The following ADGRL2 variants were observed in gnomAD, a reference collection of about 807,000 sequenced individuals.
ADGRL2 encodes calcium-independent alpha-latrotoxin receptor 2.
Under a neutral mutation model 157.4 loss-of-function variants are expected in ADGRL2, and 44 were observed. That is an observed-to-expected ratio of 0.28 (90% confidence interval 0.22 to 0.36). The LOEUF is 0.36. Ranked by LOEUF, ADGRL2 falls within the 10% of genes least tolerant of loss-of-function variation. The pLI, the probability that ADGRL2 is intolerant of heterozygous loss-of-function variation, is 1.00. For missense variants in ADGRL2, 1,510 were observed against 1,768.9 expected (o/e 0.85, Z 2.63); for synonymous variants, 585 against 624.7 (o/e 0.94, Z 0.95).
Position 81,810,126 on chromosome 1 carries a change from G to A in ADGRL2, c.-101+9058G>A, listed in dbSNP as rs147293901. ...AGTAAATAGTGTCTATTTATAGAGC[G>A]AACAAAAGAGAATTCTGTTTTCTTC... On this transcript the variant is annotated intron_variant, in intron 1 of 23. Transcript: ENST00000686636. Among the ~76,000 whole-genome samples the A allele has an allele frequency of 5.7e-4, 87 of 151,952 alleles. 1 individual carries two copies. Among genetic ancestry groups the A allele is most frequent in the Middle Eastern group, 6.8e-3 (2 of 294 alleles).
rs776760358 is a variant in ADGRL2, at chr1:81,968,008, T to C, written c.2350-18T>C. 6.2e-7 allele frequency: 1 copy of C among 1,605,914 alleles called. No homozygotes were observed. The highest frequency in any genetic ancestry group is 8.5e-7 in the Non-Finnish European group (1 of 1,172,866). On this transcript the variant is annotated intron_variant, in intron 13 of 23. Transcript: ENST00000686636. ...AGAATATAAAATCCTAATTTTATCTTGTCATTTTATTTCCCAGCCTGACAA... is the reference window on the plus strand; with the variant it reads ...AGAATATAAAATCCTAATTTTATCTCGTCATTTTATTTCCCAGCCTGACAA...
chr1:81,349,596 C>A (rs947022100), intron 1 of ADGRL2, among the ~76,000 whole-genome samples: 1 of 126,410 alleles, frequency 7.9e-6, no homozygotes, highest in African/African-American at 3.1e-5. Flanking sequence ...TTTTAAAAGT[C>A]AAAGATAGAG....
intron 11 of ADGRL2, among the ~76,000 whole-genome samples, chr1:81,961,701 G>A (rs1376416450): frequency 6.6e-6 from 1 of 151,456 alleles, no homozygotes; most frequent in Non-Finnish European, 1.5e-5. Flanking sequence ...GTAGAGAGGG[G>A]GTTTCACCAT....
intron 2 of ADGRL2, among the ~76,000 whole-genome samples, chr1:81,771,707 G>C (rs1452127922): frequency 1.3e-5 from 2 of 151,872 alleles, no homozygotes; most frequent in Non-Finnish European, 2.9e-5. Context: ...CCCCCTATGA[G>C]AGTGCAACCT....
intron 2 of ADGRL2, among the ~76,000 whole-genome samples, chr1:81,903,728 TAC>T (rs1553184648): frequency 0.013 from 1,940 of 146,112 alleles, 25 homozygotes; most frequent in Admixed American, 0.028. Context: ...TATATATATA[TAC>T]ATTATATATA....
intron 17 of ADGRL2, among the ~76,000 whole-genome samples, chr1:81,974,622 G>A (rs147777273): frequency 6.6e-6 from 1 of 152,254 alleles, no homozygotes; most frequent in East Asian, 1.9e-4. Context: ...TTACTTCAGA[G>A]TGATGTTTCT....
intron 2 of ADGRL2, among the ~76,000 whole-genome samples, chr1:81,505,800 T>C (rs1032858827): frequency 6.6e-6 from 1 of 150,734 alleles, no homozygotes; most frequent in Non-Finnish European, 1.5e-5. Flanking sequence ...AAAATCTGAG[T>C]TTTTATTAAA....
intron 2 of ADGRL2, among the ~76,000 whole-genome samples, chr1:81,778,435 CTATTG>C (rs1250390154): frequency 1.1e-4 from 17 of 151,420 alleles, no homozygotes; most frequent in African/African-American, 4.1e-4. Flanking sequence ...ATCTGTATAT[CTATTG>C]TTCTGATATA....
At chr1:81,370,464 T>A (rs914211072) in intron 1 of ADGRL2, among the ~76,000 whole-genome samples, 16 of 152,136 alleles carry the variant, frequency 1.1e-4, no homozygotes, top group African/African-American at 3.9e-4. Flanking sequence ...CTAAATAAGG[T>A]GATTTATTAA....
chr1:81,672,866 T>C (rs1055355456), intron 3 of ADGRL2, among the ~76,000 whole-genome samples: 44 of 152,238 alleles, frequency 2.9e-4, no homozygotes, highest in African/African-American at 9.9e-4. Flanking sequence ...AGTTTTCTTA[T>C]TAGTCATGAT....
chr1:81,684,509 G>A (rs1274611744), intron 3 of ADGRL2, among the ~76,000 whole-genome samples: 1 of 152,210 alleles, frequency 6.6e-6, no homozygotes, highest in Non-Finnish European at 1.5e-5. Flanking sequence ...ACTTGTTTGA[G>A]TTCATTGTAG....
chr1:81,379,620 C>A (rs530546457), intron 1 of ADGRL2, among the ~76,000 whole-genome samples: 3 of 152,260 alleles, frequency 2.0e-5, no homozygotes, highest in African/African-American at 7.2e-5. Flanking sequence ...TCCAACTGCC[C>A]CAGCCAAACT....
At chr1:81,807,348 T>A (rs1434333931) in intron 1 of ADGRL2, among the ~76,000 whole-genome samples, 1 of 151,982 alleles carries the variant, frequency 6.6e-6, no homozygotes, top group Non-Finnish European at 1.5e-5. Flanking sequence ...AGACTAATTA[T>A]TCTATAGCCC....
rs868459902 is a variant in ADGRL2, at chr1:81,483,684, A to C, written c.-248+38595A>C. ...CTGCTAGTTATAGCATGATTAGATT[A>C]TAAAAATGGGAGAGATGTTAACCAG... On this transcript the variant is annotated intron_variant, in intron 2 of 24. Transcript: ENST00000370721. 2.6e-5 allele frequency among the ~76,000 whole-genome samples: 4 copies of C among 152,188 alleles called. No homozygotes were observed. In the South Asian group the frequency reaches 8.3e-4, roughly 31 times the overall value.
intron 17 of ADGRL2, among the ~76,000 whole-genome samples, chr1:81,975,800 A>C (rs1469210468): frequency 2.0e-5 from 3 of 152,066 alleles, no homozygotes; most frequent in Non-Finnish European, 2.9e-5. Context: ...GATTTTTATC[A>C]AAGATGTGTT....
At chr1:81,985,149 C>A in intron 20 of ADGRL2, 110 bp from the exon 21 acceptor site, 1 of 532,446 alleles carries the variant, frequency 1.9e-6, no homozygotes, top group Admixed American at 3.5e-5. Flanking sequence ...TTTAAAAGGC[C>A]ACCAGATAAT....
At chr1:81,308,547 T>C (rs973333122) in intron 1 of ADGRL2, among the ~76,000 whole-genome samples, 3 of 152,096 alleles carry the variant, frequency 2.0e-5, no homozygotes, top group African/African-American at 4.8e-5. Context: ...AGGATAGATA[T>C]AAAAAGTGGC....
At chr1:81,665,609 A>G (rs905391524) in intron 3 of ADGRL2, among the ~76,000 whole-genome samples, 5 of 152,114 alleles carry the variant, frequency 3.3e-5, no homozygotes, top group Non-Finnish European at 7.4e-5. Flanking sequence ...GTTGAGAAGC[A>G]TGTTAGGTAA....
chr1:81,466,393 A>T (rs2078053795), intron 2 of ADGRL2, among the ~76,000 whole-genome samples: 1 of 152,200 alleles, frequency 6.6e-6, no homozygotes, highest in Admixed American at 6.5e-5. Flanking sequence ...AGGCCGTGGC[A>T]TTACAGCAGG....
Sources: allele counts gnomAD v4.1 joint callset (sites outside exome capture counted in the v4.1 genomes callset), GRCh38; gene constraint gnomAD v4.1.1; transcripts MANE v1.5; gene names NCBI Gene and HGNC (gene_info 2026-07-23, HGNC 2026-07-21).